The following CDH12 variants were observed in gnomAD, a reference collection of about 807,000 sequenced individuals.
The protein encoded by CDH12 is cadherin-12.
In CDH12, 41 loss-of-function variants were observed where a neutral mutation model predicts 74.1. That is an observed-to-expected ratio of 0.55 (90% CI 0.43 to 0.72). The LOEUF is 0.72. Ranked by LOEUF, CDH12 falls within the 30% of genes least tolerant of loss-of-function variation. The pLI is 0.00. For missense variants in CDH12, 945 were observed against 977.2 expected, an observed-to-expected ratio of 0.97 and a Z score of 0.44; for synonymous variants, 399 against 355.0, an observed-to-expected ratio of 1.12 and a Z score of -1.39.
intron 3 of CDH12, among the ~76,000 whole-genome samples, chr5:22,342,352 T>A (rs1355958982): frequency 1.3e-5 from 2 of 152,192 alleles, no homozygotes; most frequent in Non-Finnish European, 2.9e-5. Context: ...AACCATAGAA[T>A]GTATCTAGAG....
intron 8 of CDH12, among the ~76,000 whole-genome samples, chr5:21,830,217 AAAAAAAAAAAAAAG>A (rs1389203054): frequency 2.7e-4 from 41 of 149,580 alleles, no homozygotes; most frequent in African/African-American, 9.5e-4. Flanking sequence ...AAAAAAAAAA[AAAAAAAAAAAAAAG>A]AAATGCTTCT....
chr5:22,657,362 C>G (rs1387821937), intron 1 of CDH12, among the ~76,000 whole-genome samples: 5 of 151,918 alleles, frequency 3.3e-5, no homozygotes, highest in Non-Finnish European at 5.9e-5. Flanking sequence ...ATCATCAGGG[C>G]TTCATTTAGG....
intron 2 of CDH12, among the ~76,000 whole-genome samples, chr5:22,451,640 A>G (rs1745049987): frequency 6.6e-6 from 1 of 151,982 alleles, no homozygotes; most frequent in Admixed American, 6.6e-5. Context: ...ACGTTTTTCT[A>G]TAAGATCTGG....
At chr5:22,526,042 A>G (rs566275907) in intron 1 of CDH12, among the ~76,000 whole-genome samples, 1 of 152,266 alleles carries the variant, frequency 6.6e-6, no homozygotes, top group East Asian at 1.9e-4. Context: ...AGTGGCCTGC[A>G]TAAATCTTTC....
intron 5 of CDH12, among the ~76,000 whole-genome samples, chr5:21,977,638 T>A (rs550924254): frequency 5.2e-4 from 79 of 152,270 alleles, no homozygotes; most frequent in African/African-American, 1.9e-3. Context: ...ACTGTTTCCT[T>A]TGCAAACTGA....
chr5:21,876,759 C>T (rs1173109841), intron 6 of CDH12, among the ~76,000 whole-genome samples: 1 of 152,202 alleles, frequency 6.6e-6, no homozygotes, highest in African/African-American at 2.4e-5. Context: ...CTCCAATGCT[C>T]TTCACAAATG....
chr5:22,153,175 TTTC>T (rs1747720600), intron 4 of CDH12, among the ~76,000 whole-genome samples: 1 of 126,084 alleles, frequency 7.9e-6, no homozygotes, highest in African/African-American at 2.6e-5. Flanking sequence ...TTTTCGTTTT[TTTC>T]TTTTCTTTTT....
intron 1 of CDH12, among the ~76,000 whole-genome samples, chr5:22,814,964 G>A (rs927427654): frequency 3.9e-5 from 6 of 152,090 alleles, no homozygotes; most frequent in African/African-American, 1.4e-4. Context: ...CTTCAGAAGA[G>A]AAAATAAAAA....
chr5:22,520,748 A>T (rs1007699270), intron 1 of CDH12, among the ~76,000 whole-genome samples: 1 of 152,202 alleles, frequency 6.6e-6, no homozygotes, highest in African/African-American at 2.4e-5. Context: ...TTGGTGTTTT[A>T]GAAATTCAAT....
At chr5:22,425,170 T>TAA (rs61711714) in intron 2 of CDH12, among the ~76,000 whole-genome samples, 3 of 100,700 alleles carry the variant, frequency 3.0e-5, no homozygotes, top group African/African-American at 1.2e-4. Flanking sequence ...TATATATATA[T>TAA]AAATATATAT....
intron 1 of CDH12, among the ~76,000 whole-genome samples, chr5:22,624,469 AC>A (rs1200310492): frequency 6.6e-6 from 1 of 152,192 alleles, no homozygotes; most frequent in African/African-American, 2.4e-5. Context: ...CAAGAAAAAA[AC>A]AAACAACCTC....
At chr5:22,356,920 G>A (rs916133831) in intron 3 of CDH12, among the ~76,000 whole-genome samples, 1 of 152,050 alleles carries the variant, frequency 6.6e-6, no homozygotes, top group African/African-American at 2.4e-5. Flanking sequence ...ATTTTTAAAA[G>A]TACAGCTTCA....
intron 1 of CDH12, among the ~76,000 whole-genome samples, chr5:22,533,826 G>A (rs1737702275): frequency 6.6e-6 from 1 of 152,108 alleles, no homozygotes; most frequent in Non-Finnish European, 1.5e-5. Context: ...GGAGTTTTTA[G>A]GTGATTGTTT....
chr5:22,657,107 C>A (rs1001623502), intron 1 of CDH12, among the ~76,000 whole-genome samples: 1 of 152,076 alleles, frequency 6.6e-6, no homozygotes. Context: ...TGAACTATTT[C>A]TAGATGAAAC....
At position 22,003,403 on chromosome 5, in the gene CDH12, A is replaced by C. The variant is rs1170294503; in HGVS notation, c.232-28018T>G. ...CCAACCATTACAATCATTAATACTCAAAGTAAATATTACATTTATAGATGC... is the reference window on the plus strand; with the variant it reads ...CCAACCATTACAATCATTAATACTCCAAGTAAATATTACATTTATAGATGC... On this transcript the variant is annotated intron_variant, in intron 5 of 14. Coordinates refer to ENST00000382254, the MANE Select transcript of CDH12 (RefSeq NM_004061.5). Among the ~76,000 whole-genome samples, 5 of 151,868 alleles carry C rather than the reference A, an allele frequency of 3.3e-5. No homozygotes were observed. The East Asian group carries it at 9.6e-4, about 29-fold the overall frequency.
At chr5:21,862,760 T>C (rs1319530321) in intron 6 of CDH12, among the ~76,000 whole-genome samples, 2 of 152,168 alleles carry the variant, frequency 1.3e-5, no homozygotes, top group East Asian at 3.9e-4. Flanking sequence ...TATAAGCAGA[T>C]TATATTGAAT....
intron 3 of CDH12, among the ~76,000 whole-genome samples, chr5:22,314,928 T>C (rs1031529565): frequency 1.4e-5 from 2 of 141,910 alleles, no homozygotes; most frequent in African/African-American, 5.2e-5. Flanking sequence ...AAAGCAGAGG[T>C]CCCTGGGTTG....
intron 3 of CDH12, among the ~76,000 whole-genome samples, chr5:22,311,154 TAG>T (rs1465673042): frequency 6.6e-6 from 1 of 152,152 alleles, no homozygotes; most frequent in Non-Finnish European, 1.5e-5. Flanking sequence ...TTCACGCAAG[TAG>T]AGAGTTTATT....
In CDH12 at chr5:21,966,880, C is replaced by T. The variant is rs533883380; in HGVS notation, c.526+8211G>A. On this transcript the variant is annotated intron_variant, in intron 6 of 14. Coordinates refer to ENST00000382254, the MANE Select transcript of CDH12 (RefSeq NM_004061.5). ...AGCATACTCTTCACTCTTTTTGAAT[C>T]GCATGCAGTTGTCACACTGGATGAT... Among the ~76,000 whole-genome samples, 47 of 152,200 alleles carry T rather than the reference C, an allele frequency of 3.1e-4. 1 individual carries two copies. Among genetic ancestry groups the T allele is most frequent in the Middle Eastern group, 3.4e-3 (1 of 294 alleles).
Sources: gnomAD v4.1 joint callset for allele counts (sites outside exome capture counted in the v4.1 genomes callset) on GRCh38, gnomAD v4.1.1 for gene constraint, MANE v1.5 for transcripts, NCBI Gene and HGNC (gene_info 2026-07-23, HGNC 2026-07-21) for gene names.